Variants in NCAM2 observed in about 807,000 individuals in gnomAD.
The protein encoded by NCAM2 is N-CAM-2.
In NCAM2, 30 loss-of-function variants were observed where a neutral mutation model predicts 98.1. That is an observed-to-expected ratio of 0.31 (90% CI 0.23 to 0.41). The LOEUF is 0.41. NCAM2 is among the 10% of genes least tolerant of loss of function. The pLI, the probability that NCAM2 is intolerant of heterozygous loss-of-function variation, is 1.00. For synonymous variants in NCAM2, 368 were observed against 342.4 expected, an observed-to-expected ratio of 1.07 and a Z score of -0.83; for missense variants, 867 against 1,005.8, an observed-to-expected ratio of 0.86 and a Z score of 1.87.
intron 1 of NCAM2, among the ~76,000 whole-genome samples, chr21:21,267,262 G>A (rs2072318719): frequency 6.6e-6 from 1 of 152,076 alleles, no homozygotes; most frequent in Non-Finnish European, 1.5e-5. Flanking sequence ...AAGCATACTT[G>A]TTACATTATA....
At chr21:21,268,432 T>C (rs1249768736) in intron 1 of NCAM2, among the ~76,000 whole-genome samples, 1 of 152,228 alleles carries the variant, frequency 6.6e-6, no homozygotes, top group Admixed American at 6.5e-5. Context: ...TTGTTTTCTT[T>C]GCTTCCTTGC....
chr21:21,488,584 C>G (rs1986588631), intron 15 of NCAM2, among the ~76,000 whole-genome samples: 1 of 151,786 alleles, frequency 6.6e-6, no homozygotes, highest in South Asian at 2.1e-4. Context: ...ATACTGATAT[C>G]AATACAATAA....
At chr21:21,229,289 A>G (rs1473797514) in intron 1 of NCAM2, among the ~76,000 whole-genome samples, 1 of 151,606 alleles carries the variant, frequency 6.6e-6, no homozygotes, top group East Asian at 1.9e-4. Context: ...AATAGAGACT[A>G]GTAAATACGA....
At chr21:21,080,595 A>G (rs2065772577) in intron 1 of NCAM2, among the ~76,000 whole-genome samples, 3 of 147,806 alleles carry the variant, frequency 2.0e-5, no homozygotes, top group Admixed American at 6.8e-5. Flanking sequence ...CAGCCTGGGC[A>G]ACAAGAGCAA....
At chr21:21,527,481 G>A (rs1989390803) in intron 16 of NCAM2, among the ~76,000 whole-genome samples, 1 of 152,090 alleles carries the variant, frequency 6.6e-6, no homozygotes, top group African/African-American at 2.4e-5. Context: ...ATTATATGAT[G>A]TATACAAATA....
rs922297938 is a variant in NCAM2, at chr21:21,315,785, T to C, written c.620-8598T>C. Among the ~76,000 whole-genome samples, 3 of 152,226 alleles carry C rather than the reference T, an allele frequency of 2.0e-5. No individual in the cohort carries two copies. The East Asian group carries it at 5.8e-4, about 29-fold the overall frequency. On this transcript the variant is annotated intron_variant, in intron 5 of 17. Transcript: ENST00000400546. ...TCTGGTGATATTTTAAATTCTGTTATATTTCTTAATAGCAATATGTCTGCT... is the reference window on the plus strand; with the variant it reads ...TCTGGTGATATTTTAAATTCTGTTACATTTCTTAATAGCAATATGTCTGCT...
intron 1 of NCAM2, among the ~76,000 whole-genome samples, chr21:21,125,112 A>G (rs1287426239): frequency 3.9e-5 from 6 of 151,996 alleles, no homozygotes; most frequent in Non-Finnish European, 5.9e-5. Flanking sequence ...ATGTCTGCAT[A>G]TGATAGAAAT....
At chr21:21,455,731 A>G (rs1982048645) in intron 12 of NCAM2, among the ~76,000 whole-genome samples, 1 of 152,012 alleles carries the variant, frequency 6.6e-6, no homozygotes, top group Non-Finnish European at 1.5e-5. Flanking sequence ...ATTCATTTAA[A>G]ATATTTAAAT....
intron 9 of NCAM2, among the ~76,000 whole-genome samples, chr21:21,381,726 A>G (rs1343775009): frequency 6.6e-6 from 1 of 152,124 alleles, no homozygotes; most frequent in Admixed American, 6.6e-5. Context: ...AGGAATTAAG[A>G]TATTTTTTCT....
chr21:21,333,755 C>CTAT (rs903310402), intron 6 of NCAM2, among the ~76,000 whole-genome samples: 4 of 151,336 alleles, frequency 2.6e-5, no homozygotes, highest in African/African-American at 4.9e-5. Flanking sequence ...CTCTACCGTG[C>CTAT]TATTATTATT....
At chr21:21,341,570 A>G (rs62207693) in intron 8 of NCAM2, among the ~76,000 whole-genome samples, 2,188 of 152,310 alleles carry the variant, frequency 0.014, 43 homozygotes, top group Admixed American at 0.037. Context: ...ACTAAAATAT[A>G]TAGATCAAAA....
chr21:21,408,560 A>G (rs1007894615), intron 9 of NCAM2, among the ~76,000 whole-genome samples: 6 of 152,132 alleles, frequency 3.9e-5, no homozygotes, highest in African/African-American at 1.4e-4. Flanking sequence ...TAGGATTCAC[A>G]GCACCAAAAT....
At position 21,242,805 on chromosome 21, in the gene NCAM2, G is replaced by A. The variant is rs77859542; in HGVS notation, c.56-37773G>A. ...ACTGCAATGAATGAATACCTTTTTG[G>A]CATCATGTTATCCATTTCTTTGTTA... On this transcript the variant is annotated intron_variant, in intron 1 of 17. Coordinates refer to ENST00000400546, the MANE Select transcript of NCAM2 (RefSeq NM_004540.5). Among the ~76,000 whole-genome samples the A allele has an allele frequency of 5.5e-3, 837 of 152,152 alleles. 12 individuals carry two copies. The highest frequency in any genetic ancestry group is 0.019 in the African/African-American group (800 of 41,516).
At chr21:21,047,499 A>G (rs2065026109) in intron 1 of NCAM2, among the ~76,000 whole-genome samples, 1 of 152,332 alleles carries the variant, frequency 6.6e-6, no homozygotes, top group African/African-American at 2.4e-5. Context: ...AAGAAAAACA[A>G]GAAAGTATTC....
intron 1 of NCAM2, among the ~76,000 whole-genome samples, chr21:21,257,492 C>A (rs938101374): frequency 4.6e-5 from 7 of 152,186 alleles, no homozygotes; most frequent in Admixed American, 4.6e-4. Context: ...TTAACAATGT[C>A]TTCAAAGGCT....
chr21:21,418,561 C>A lies in NCAM2; in HGVS notation c.1472C>A (p.Ala491Asp). The A allele has an allele frequency of 6.3e-7, 1 of 1,599,656 alleles. No homozygotes were observed. Among genetic ancestry groups the A allele is most frequent in the Non-Finnish European group, 8.6e-7 (1 of 1,167,028 alleles). The change falls in exon 11 of 18, where the codon GCT becomes GAT. Residue 491 changes from alanine to aspartate, a missense_variant. Ala to Asp is a moderately radical substitution (Grantham distance 126). This residue lies in a region of NCAM2 where 234 missense variants were observed against 333.8 expected (regional missense o/e 0.70). Transcript: ENST00000400546. Reference sequence around the variant, plus strand: ...ACAAGATTTCAAGAATATATTCTTGCTTTGGCTGGTAAGTATAGCACAATA... The same window carrying A: ...ACAAGATTTCAAGAATATATTCTTGATTTGGCTGGTAAGTATAGCACAATA... ...IGTRFQEYIL[A>D]LADVPSSPYG...
At chr21:21,352,686 A>C (rs538604787) in intron 8 of NCAM2, among the ~76,000 whole-genome samples, 5 of 151,274 alleles carry the variant, frequency 3.3e-5, no homozygotes, top group Admixed American at 3.3e-4. Flanking sequence ...ACATGTAACA[A>C]TATCTCAGAC....
At chr21:21,285,035 A>G (rs1018031799) in intron 3 of NCAM2, among the ~76,000 whole-genome samples, 13 of 151,854 alleles carry the variant, frequency 8.6e-5, no homozygotes, top group African/African-American at 3.1e-4. Flanking sequence ...AAAGCAAGCT[A>G]TCCCAATTAC....
In NCAM2 at chr21:21,238,083, G is replaced by T. The variant is rs537744360; in HGVS notation, c.56-42495G>T. Among the ~76,000 whole-genome samples the T allele has an allele frequency of 8.7e-4, 130 of 149,458 alleles. 1 individual carries two copies. Among genetic ancestry groups the T allele is most frequent in the Admixed American group, 1.7e-3 (25 of 14,744 alleles). The stretch of plus-strand genomic sequence containing the variant: ...CGATTCTCCTGCCTCAGCCTCCCAA[G>T]TAGCTGGGACTACAGGAACGTGCCA... On this transcript the variant is annotated intron_variant, in intron 1 of 17. Transcript: ENST00000400546.
Sources: gnomAD v4.1 joint callset for allele counts (sites outside exome capture counted in the v4.1 genomes callset) on GRCh38, gnomAD v4.1.1 for gene constraint, gnomAD v4.1.1 regional missense constraint, MANE v1.5 for transcripts, NCBI Gene and HGNC (gene_info 2026-07-23, HGNC 2026-07-21) for gene names.